Variants in SIPA1L1 observed in about 807,000 individuals in gnomAD.
The protein encoded by SIPA1L1 is signal-induced proliferation-associated 1-like protein 1.
Under a neutral mutation model 162.7 loss-of-function variants are expected in SIPA1L1, and 26 were observed. The observed-to-expected ratio is 0.16, with a 90% confidence interval of 0.12 to 0.22. SIPA1L1 has a LOEUF of 0.22. Among genes scored for constraint, SIPA1L1 ranks in the 10% least tolerant of loss-of-function variants. SIPA1L1 has a pLI of 1.00. For missense variants in SIPA1L1, 1,874 were observed against 2,241.0 expected, an observed-to-expected ratio of 0.84 and a Z score of 3.31; for synonymous variants, 829 against 837.4, an observed-to-expected ratio of 0.99 and a Z score of 0.17.
intron 2 of SIPA1L1, among the ~76,000 whole-genome samples, chr14:71,359,154 T>C (rs889729871): frequency 2.6e-5 from 4 of 152,202 alleles, no homozygotes; most frequent in East Asian, 3.8e-4. Context: ...AACTGAATCA[T>C]TGGGGCAGGT....
intron 16 of SIPA1L1, among the ~76,000 whole-genome samples, chr14:71,706,439 A>G (rs1233205261): frequency 3.3e-5 from 5 of 152,232 alleles, no homozygotes; most frequent in Non-Finnish European, 5.9e-5. Flanking sequence ...TTTTTACTAG[A>G]AAATTTAAAA....
intron 6 of SIPA1L1, among the ~76,000 whole-genome samples, chr14:71,623,271 T>A (rs767165264): frequency 6.6e-6 from 1 of 152,192 alleles, no homozygotes; most frequent in Non-Finnish European, 1.5e-5. Context: ...TGTATTCAGT[T>A]TGATGGGTTT....
intron 2 of SIPA1L1, among the ~76,000 whole-genome samples, chr14:71,489,304 G>A (rs747073311): frequency 1.3e-5 from 2 of 152,188 alleles, no homozygotes; most frequent in South Asian, 4.1e-4. Context: ...GCTAGATAAC[G>A]TCAGTGTGCT....
intron 2 of SIPA1L1, among the ~76,000 whole-genome samples, chr14:71,504,635 A>T (rs923511173): frequency 1.3e-5 from 2 of 152,160 alleles, no homozygotes; most frequent in Non-Finnish European, 2.9e-5. Flanking sequence ...GAAAATTTTT[A>T]AAAAAGAAAA....
intron 4 of SIPA1L1, among the ~76,000 whole-genome samples, chr14:71,549,821 G>T (rs963278515): frequency 2.0e-5 from 3 of 152,132 alleles, no homozygotes; most frequent in Non-Finnish European, 4.4e-5. Flanking sequence ...TGAGAGTTTG[G>T]TTTTTTTAAT....
At chr14:71,359,002 G>A (rs903328778) in intron 2 of SIPA1L1, among the ~76,000 whole-genome samples, 1 of 152,152 alleles carries the variant, frequency 6.6e-6, no homozygotes, top group African/African-American at 2.4e-5. Context: ...TGAGATTTGG[G>A]TGGGGACACA....
intron 2 of SIPA1L1, among the ~76,000 whole-genome samples, chr14:71,405,398 G>A (rs2041966651): frequency 1.3e-5 from 2 of 152,330 alleles, no homozygotes; most frequent in South Asian, 2.1e-4. Flanking sequence ...AACTAATCAT[G>A]TAGGTCCTTA....
At chr14:71,573,403 C>G in intron 4 of SIPA1L1, 1 of 364,884 alleles carries the variant, frequency 2.7e-6, no homozygotes, top group South Asian at 2.1e-5. Context: ...AGTTCCTGGC[C>G]TGAAGCACTT....
At chr14:71,662,170 T>G (rs1468231477) in intron 10 of SIPA1L1, among the ~76,000 whole-genome samples, 1 of 152,234 alleles carries the variant, frequency 6.6e-6, no homozygotes, top group Non-Finnish European at 1.5e-5. Flanking sequence ...TATGGACATT[T>G]GGCGTATCTT....
intron 8 of SIPA1L1, among the ~76,000 whole-genome samples, chr14:71,652,391 A>G (rs559868942): frequency 1.2e-3 from 179 of 152,326 alleles, no homozygotes; most frequent in African/African-American, 4.1e-3. Flanking sequence ...TGTTGTGTCA[A>G]GAAACTTTGA....
At chr14:71,603,923 ATATATATATTTATATATC>A (rs1277679684) in intron 5 of SIPA1L1, among the ~76,000 whole-genome samples, 18 of 142,772 alleles carry the variant, frequency 1.3e-4, no homozygotes, top group South Asian at 4.3e-4. Context: ...ATATATAAAT[ATATATATATTTATATATC>A]TATATATATT....
rs34549978 is a variant in SIPA1L1, at chr14:71,738,161, T to TAAAAAAA, written c.5124-61_5124-55dup. On this transcript the variant is annotated intron_variant, in intron 22 of 23. Transcript: ENST00000381232. Reference sequence around the variant, plus strand: ...TTTTATAAATACAGCCTCCTCAGAGTAAAAAAAAAAAAAAAAAAAAAAAAA... The same window carrying TAAAAAAA: ...TTTTATAAATACAGCCTCCTCAGAGTAAAAAAAAAAAAAAAAAAAAAAAAAAAAAAAA... 1.4e-4 allele frequency: 52 copies of TAAAAAAA among 368,946 alleles called. 1 individual carries two copies. The highest frequency in any genetic ancestry group is 3.0e-4 in the African/African-American group (8 of 26,908). The allele number at this position is 368,946 out of a possible 1,614,324, so 22.9% of individuals were successfully genotyped here.
At chr14:71,509,739 C>CAT (rs199608527) in intron 2 of SIPA1L1, among the ~76,000 whole-genome samples, 1,479 of 125,488 alleles carry the variant, frequency 0.012, 24 homozygotes, top group African/African-American at 0.043. Flanking sequence ...AGTGAAACTC[C>CAT]ATCTCAAAAA....
intron 2 of SIPA1L1, among the ~76,000 whole-genome samples, chr14:71,492,824 C>G (rs1285005286): frequency 4.0e-5 from 6 of 151,340 alleles, no homozygotes; most frequent in Non-Finnish European, 8.8e-5. Context: ...ATGGGGTCCA[C>G]TCTATTGCCC....
chr14:71,539,448 CA>C (rs1438650425), intron 4 of SIPA1L1, among the ~76,000 whole-genome samples: 1 of 152,136 alleles, frequency 6.6e-6, no homozygotes, highest in Non-Finnish European at 1.5e-5. Context: ...GCACATTGAA[CA>C]AATATGACAT....
chr14:71,440,625 G>A (rs2044761182), intron 2 of SIPA1L1, among the ~76,000 whole-genome samples: 1 of 141,612 alleles, frequency 7.1e-6, no homozygotes, highest in Non-Finnish European at 1.5e-5. Flanking sequence ...CTTCAGCTTG[G>A]GTGACAGTGA....
intron 13 of SIPA1L1, among the ~76,000 whole-genome samples, chr14:71,695,159 G>T (rs1332870869): frequency 6.6e-6 from 1 of 152,166 alleles, no homozygotes; most frequent in Non-Finnish European, 1.5e-5. Context: ...CAAATTCAGA[G>T]TATTTGGAAA....
At chr14:71,337,033 G>A (rs1008186651) in intron 2 of SIPA1L1, among the ~76,000 whole-genome samples, 2 of 152,158 alleles carry the variant, frequency 1.3e-5, no homozygotes, top group African/African-American at 4.8e-5. Context: ...AGGCCATCTT[G>A]TCTGATCATT....
intron 2 of SIPA1L1, among the ~76,000 whole-genome samples, chr14:71,335,762 A>G (rs2035030194): frequency 6.6e-6 from 1 of 152,220 alleles, no homozygotes; most frequent in South Asian, 2.1e-4. Context: ...AGGTTTACCC[A>G]TCCGCTTAAT....
Sources: gnomAD v4.1 joint callset for allele counts (sites outside exome capture counted in the v4.1 genomes callset) on GRCh38, gnomAD v4.1.1 for gene constraint, MANE v1.5 for transcripts, NCBI Gene and HGNC (gene_info 2026-07-23, HGNC 2026-07-21) for gene names.